Variants in FLNC observed in about 807,000 individuals in gnomAD.
FLNC encodes the protein filamin C.
A neutral mutation model predicts 254.3 loss-of-function variants in FLNC; 91 were observed. The ratio of observed to expected loss-of-function variants is 0.36; its 90% confidence interval spans 0.30 to 0.43. The LOEUF (loss-of-function observed/expected upper bound fraction) is 0.43. Among genes scored for constraint, FLNC ranks in the 20% least tolerant of loss-of-function variants. The pLI, the probability that FLNC is intolerant of heterozygous loss-of-function variation, is 1.00. For missense variants in FLNC, 2,853 were observed against 3,802.6 expected, an observed-to-expected ratio of 0.75 and a Z score of 6.57; for synonymous variants, 1,430 against 1,577.2, an observed-to-expected ratio of 0.91 and a Z score of 2.21.
intron 28 of FLNC, 80 bp from the exon 29 acceptor site, chr7:128,849,101 G>A: frequency 6.4e-7 from 1 of 1,564,644 alleles, no homozygotes; most frequent in East Asian, 2.3e-5. Flanking sequence ...CCTAGCCCTG[G>A]CCCCTCCCTC....
At chr7:128,831,558 C>G (rs1807893270) in intron 1 of FLNC, among the ~76,000 whole-genome samples, 1 of 152,188 alleles carries the variant, frequency 6.6e-6, no homozygotes. Context: ...GGGGCCAGGA[C>G]AGGCAGGGCC....
rs777939926 is a variant in FLNC at position 128,846,151 on chromosome 7, G to A, written c.3952G>A (p.Ala1318Thr). 11 of 1,613,948 alleles carry A rather than the reference G, an allele frequency of 6.8e-6. No individual in the cohort carries two copies. Among genetic ancestry groups the A allele is most frequent in the Middle Eastern group, 1.6e-4 (1 of 6,082 alleles). The change falls in exon 22 of 48, where the codon GCC becomes ACC. Residue 1318 changes from alanine (A) to threonine (T), a missense_variant. Transcript: ENST00000325888. Reference protein sequence around the residue: ...GDGTYRVQYTAYEEGVHLVEV... With the variant: ...GDGTYRVQYTTYEEGVHLVEV... ...CGGCACCTACCGAGTGCAGTACACC[G>A]CCTACGAGGAGGGTGAGGGCCGGTG...
chr7:128,850,254 C>A, intron 31 of FLNC, 130 bp from the exon 32 acceptor site: 1 of 958,622 alleles, frequency 1.0e-6, no homozygotes, highest in Admixed American at 1.7e-5. Context: ...GCAGCTGACG[C>A]ACCTCTCCTG....
In FLNC at chr7:128,841,478, G is replaced by C. The variant is rs1204988052; in HGVS notation, c.2032G>C (p.Glu678Gln). ...DKVKAFGPGL[E>Q]PTGCIVDKPA... is the part of the protein sequence containing the mutation. ...GGTGAAGGCCTTTGGGCCTGGCCTG[G>C]AGCCTACCGGCTGCATCGTGGACAA... is the stretch of plus-strand genomic sequence containing the variant. Residue 678 changes from glutamate to glutamine, a missense_variant, in exon 13 of 48, where the codon GAG becomes CAG. Physicochemically the swap from Glu to Gln is conservative, Grantham distance 29 (BLOSUM62 2). Around this residue, in one of 10 missense-constraint regions of FLNC, gnomAD observed 1,573 missense variants for 1,883.5 expected, o/e 0.84. Coordinates refer to ENST00000325888, the MANE Select transcript of FLNC (RefSeq NM_001458.5). The surrounding 1 kb of genome is among the most constrained non-coding windows in gnomAD (Gnocchi z 4.3). 1 of 1,614,138 alleles carries C rather than the reference G, an allele frequency of 6.2e-7. No individual in the cohort carries two copies. The highest frequency in any genetic ancestry group is 1.7e-5 in the Admixed American group (1 of 60,032).
In FLNC at chr7:128,846,982, G is replaced by A. The variant is rs972018854; in HGVS notation, c.4288+77G>A. ...ATGCTCGCCCCACAAGGGGGAAACT[G>A]GAAGGAAGTTGGGTAAGAATGTTCA... On this transcript the variant is annotated intron_variant, in intron 24 of 47. Transcript: ENST00000325888. The A allele has an allele frequency of 8.3e-6, 13 of 1,563,486 alleles. No homozygotes were observed. In the South Asian group the frequency reaches 1.2e-4, roughly 15 times the overall value.
In FLNC at chr7:128,849,559, A is replaced by G. The variant is rs1808718121; in HGVS notation, c.5180A>G (p.Asn1727Ser). 3 of 1,613,998 alleles carry G rather than the reference A, an allele frequency of 1.9e-6. No individual in the cohort carries two copies. The highest frequency in any genetic ancestry group is 1.1e-5 in the South Asian group (1 of 91,074). ...CGCTTCGGGGGTGAGCACATCCCCA[A>G]CAGCCCCTTCCACGTGCTGGTAAGT... ...TIRFGGEHIPNSPFHVLACDP... is the reference protein window; with the variant it reads ...TIRFGGEHIPSSPFHVLACDP... Residue 1727 changes from asparagine (N) to serine (S), a missense_variant, in exon 30 of 48, where the codon AAC becomes AGC. Coordinates refer to ENST00000325888, the MANE Select transcript of FLNC (RefSeq NM_001458.5).
In FLNC at chr7:128,847,933, C is replaced by T. The variant is rs773859670; in HGVS notation, c.4457-12C>T. ...GCCCGGAGGCTCTGCTGACCCTGTG[C>T]CCCTTGCCCAGGTGTGGCCGAGCCT... On this transcript the variant is annotated splice_polypyrimidine_tract_variant and intron_variant, in intron 25 of 47. Transcript: ENST00000325888. The T allele has an allele frequency of 6.2e-7, 1 of 1,613,582 alleles. No individual in the cohort carries two copies. Among genetic ancestry groups the T allele is most frequent in the Non-Finnish European group, 8.5e-7 (1 of 1,179,830 alleles).
At chr7:128,845,492 G>T (rs1009232379) in intron 21 of FLNC, among the ~76,000 whole-genome samples, 1 of 152,188 alleles carries the variant, frequency 6.6e-6, no homozygotes, top group African/African-American at 2.4e-5. Context: ...GCCTCTGGGC[G>T]TTTTTCTGGA....
Position 128,853,981 on chromosome 7 carries a change from G to A in FLNC, c.6492G>A (p.Trp2164Ter). The change falls in exon 40 of 48, where the codon TGG (tryptophan) becomes TGA (stop). Residue 2164 changes from tryptophan to a stop codon, truncating the protein, a stop_gained. Coordinates refer to ENST00000325888, the MANE Select transcript of FLNC (RefSeq NM_001458.5). LOFTEE classifies it high-confidence loss of function. ...GCTCCCTTGACCACACAGGAAACTG[G>A]TTCCAGATGGTGTCTGCCCAGGAGC... ...CDLNLKIPGN[W>*]FQMVSAQERL... The A allele has an allele frequency of 6.2e-7, 1 of 1,613,330 alleles. No individual in the cohort carries two copies. Among genetic ancestry groups the A allele is most frequent in the Non-Finnish European group, 8.5e-7 (1 of 1,180,034 alleles).
In FLNC at chr7:128,844,652, C is replaced by T; in HGVS notation, c.3193-6C>T. 3 of 1,610,290 alleles carry T rather than the reference C, an allele frequency of 1.9e-6. No homozygotes were observed. Among genetic ancestry groups the T allele is most frequent in the Non-Finnish European group, 2.5e-6 (3 of 1,179,786 alleles). ...CAGGGAACCCACAACCTGCCTCTTC[C>T]CCTAGGTCTGTGCTTATGGCCCGGG... On this transcript the variant is annotated splice_polypyrimidine_tract_variant and splice_region_variant and intron_variant, in intron 20 of 47. Coordinates refer to ENST00000325888, the MANE Select transcript of FLNC (RefSeq NM_001458.5).
chr7:128,843,356 T>C (rs753768050), intron 17 of FLNC, 37 bp downstream of exon 17: 10 of 1,602,608 alleles, frequency 6.2e-6, no homozygotes, highest in African/African-American at 2.7e-5. Flanking sequence ...TGGCTCGAGG[T>C]TGGGGTTAGG....
At chr7:128,839,798 AGTGGCACT>A (rs1431883145) in intron 8 of FLNC, among the ~76,000 whole-genome samples, 1 of 152,218 alleles carries the variant, frequency 6.6e-6, no homozygotes, top group Non-Finnish European at 1.5e-5. Flanking sequence ...GCATTTCCCC[AGTGGCACT>A]GGCTCGGAAA....
intron 32 of FLNC, 123 bp downstream of exon 32, chr7:128,850,606 C>A: frequency 8.4e-7 from 1 of 1,193,694 alleles, no homozygotes; most frequent in Non-Finnish European, 1.2e-6. Flanking sequence ...CCCAGGGTCA[C>A]ACAGCAAGTT....
chr7:128,845,066 G>A lies in FLNC; in HGVS notation c.3601G>A (p.Glu1201Lys), dbSNP rs751963297. Residue 1201 changes from glutamate to lysine, a missense_variant, in exon 21 of 48, where the codon GAG becomes AAG. Glu to Lys is a moderately conservative substitution (Grantham distance 56). Around this residue, in one of 10 missense-constraint regions of FLNC, gnomAD observed 1,573 missense variants for 1,883.5 expected, o/e 0.84. Transcript: ENST00000325888. The stretch of plus-strand genomic sequence containing the variant: ...CCTGTCGGATGCCGGGGTCAAGGCC[G>A]AGGTGCTGATCCACAACAACGCGGA... Reference protein sequence around the residue: ...EILSDAGVKAEVLIHNNADGT... With the variant: ...EILSDAGVKAKVLIHNNADGT... 6 of 1,613,760 alleles carry A rather than the reference G, an allele frequency of 3.7e-6. No homozygotes were observed. The South Asian group carries it at 4.4e-5, about 12-fold the overall frequency.
chr7:128,853,439 G>C (rs760773098), intron 37 of FLNC, 30 bp from the exon 38 acceptor site: 3 of 1,613,036 alleles, frequency 1.9e-6, no homozygotes, highest in South Asian at 1.1e-5. Context: ...GCCTAGGACT[G>C]AGGGAGATGT....
intron 32 of FLNC, 139 bp downstream of exon 32, chr7:128,850,622 G>A (rs188232466): frequency 1.7e-6 from 2 of 1,208,118 alleles, no homozygotes; most frequent in Non-Finnish European, 1.2e-6. Context: ...AAGTTGGGCA[G>A]AGCCAGAACT....
chr7:128,851,051 C>T (rs939488242), intron 33 of FLNC, 108 bp downstream of exon 33: 35 of 1,531,162 alleles, frequency 2.3e-5, no homozygotes, highest in Middle Eastern at 3.4e-4. Flanking sequence ...CCGCTGTGTG[C>T]AGACACCAGG....
rs1461397737 is a variant in FLNC at position 128,841,191 on chromosome 7, C to T, written c.1835C>T (p.Ser612Leu). Reference sequence around the variant, plus strand: ...CCAGGCTTCTCCATCGAGGGGCCCTCACAAGCCAAGATCGAATGTGACGAC... The same window carrying T: ...CCAGGCTTCTCCATCGAGGGGCCCTTACAAGCCAAGATCGAATGTGACGAC... ...GTLGFSIEGPSQAKIECDDKG... is the reference protein window; with the variant it reads ...GTLGFSIEGPLQAKIECDDKG... Residue 612 changes from serine to leucine, a missense_variant, in exon 12 of 48, where the codon TCA becomes TTA. By Grantham distance (145) the Ser-to-Leu change is moderately radical. Transcript: ENST00000325888. The surrounding 1 kb of genome is among the most constrained non-coding windows in gnomAD (Gnocchi z 4.3). The T allele has an allele frequency of 1.2e-6, 2 of 1,614,022 alleles. No individual in the cohort carries two copies. The highest frequency in any genetic ancestry group is 2.2e-5 in the South Asian group (2 of 91,086).
chr7:128,842,643 C>T lies in FLNC; in HGVS notation c.2334C>T (p.Gly778=). 2 of 1,551,878 alleles carry T rather than the reference C, an allele frequency of 1.3e-6. No individual in the cohort carries two copies. Among genetic ancestry groups the T allele is most frequent in the Non-Finnish European group, 8.7e-7 (1 of 1,147,610 alleles). Reference sequence around the variant, plus strand: ...ACGGCCCCGGAGTGGAGAAGACAGGCCTCAAGGCCAATGAGCCCACCTACT... The same window carrying T: ...ACGGCCCCGGAGTGGAGAAGACAGGTCTCAAGGCCAATGAGCCCACCTACT... ...KVYGPGVEKT[G]LKANEPTYFT... is the part of the protein sequence containing the mutation. Residue 778 remains glycine (G), a synonymous_variant, in exon 15 of 48, where the codon GGC becomes GGT. Coordinates refer to ENST00000325888, the MANE Select transcript of FLNC (RefSeq NM_001458.5). The surrounding 1 kb of genome is among the most constrained non-coding windows in gnomAD (Gnocchi z 5.4).
Sources: allele counts gnomAD v4.1 joint callset (sites outside exome capture counted in the v4.1 genomes callset), GRCh38; gene constraint gnomAD v4.1.1; regional missense constraint gnomAD v4.1.1; non-coding constraint Gnocchi (gnomAD v3.1); transcripts MANE v1.5; gene names NCBI Gene and HGNC (gene_info 2026-07-23, HGNC 2026-07-21).